The following ARB2A variants were observed in gnomAD, a reference collection of about 807,000 sequenced individuals.
ARB2A encodes the protein cotranscriptional regulator ARB2A.
chr5:93,660,954 G>T, the ARB2A span, among the ~76,000 whole-genome samples: 1 of 152,142 alleles, frequency 6.6e-6, no homozygotes, highest in South Asian at 2.1e-4. Flanking sequence ...GTTCTAGAGG[G>T]AGAGCTGGGT....
At chr5:94,002,018 A>G in the ARB2A span, among the ~76,000 whole-genome samples, 4 of 152,080 alleles carry the variant, frequency 2.6e-5, no homozygotes. Flanking sequence ...TGAGCTTCAC[A>G]GGTGTTTCCC....
the ARB2A span, among the ~76,000 whole-genome samples, chr5:93,828,521 T>C: frequency 6.6e-6 from 1 of 152,304 alleles, no homozygotes; most frequent in Admixed American, 6.5e-5. Context: ...CATCTACTTT[T>C]CTTTCATTTA....
chr5:94,065,113 A>G, the ARB2A span, among the ~76,000 whole-genome samples: 1 of 152,250 alleles, frequency 6.6e-6, no homozygotes, highest in Non-Finnish European at 1.5e-5. Context: ...TTTCAATAAA[A>G]GACAGAGACT....
chr5:94,003,117 T>C, the ARB2A span, among the ~76,000 whole-genome samples: 5 of 152,156 alleles, frequency 3.3e-5, no homozygotes, highest in Admixed American at 3.3e-4. Context: ...ACTGGCACCA[T>C]GACAAGCCAA....
chr5:93,784,906 A>AGAT, the ARB2A span, among the ~76,000 whole-genome samples: 2 of 152,216 alleles, frequency 1.3e-5, no homozygotes, highest in East Asian at 3.9e-4. Flanking sequence ...AATTTTCAGT[A>AGAT]GATGGCACAT....
chr5:93,897,291 T>C, the ARB2A span, among the ~76,000 whole-genome samples: 1 of 151,984 alleles, frequency 6.6e-6, no homozygotes, highest in Non-Finnish European at 1.5e-5. Flanking sequence ...CAAAGTTACT[T>C]TGCATTAAAA....
the ARB2A span, among the ~76,000 whole-genome samples, chr5:94,057,422 G>C: frequency 1.3e-5 from 2 of 152,194 alleles, no homozygotes; most frequent in Admixed American, 1.3e-4. Context: ...ATGGGTATAG[G>C]GTTTCAGTTT....
the ARB2A span, among the ~76,000 whole-genome samples, chr5:93,870,009 G>C: frequency 6.6e-6 from 1 of 152,320 alleles, no homozygotes; most frequent in East Asian, 1.9e-4. Flanking sequence ...CTAGAAAGCA[G>C]GCACAGACAT....
At chr5:93,828,462 C>T in the ARB2A span, among the ~76,000 whole-genome samples, 1 of 152,170 alleles carries the variant, frequency 6.6e-6, no homozygotes, top group Non-Finnish European at 1.5e-5. Flanking sequence ...AAATTCCTCA[C>T]ATAATCAGTC....
At chr5:93,835,672 T>C in the ARB2A span, among the ~76,000 whole-genome samples, 1 of 152,220 alleles carries the variant, frequency 6.6e-6, no homozygotes, top group Non-Finnish European at 1.5e-5. Flanking sequence ...CACATACCTA[T>C]GTCACTAATT....
chr5:93,809,847 T>C, the ARB2A span, among the ~76,000 whole-genome samples: 10 of 152,072 alleles, frequency 6.6e-5, no homozygotes, highest in Non-Finnish European at 1.3e-4. Flanking sequence ...GCAACTATGG[T>C]TTCACGTCTT....
At chr5:93,740,932 T>G in the ARB2A span, 1 of 1,613,976 alleles carries the variant, frequency 6.2e-7, no homozygotes, top group Non-Finnish European at 8.5e-7. Flanking sequence ...CCGTCTCCAC[T>G]TCCCAGACTG....
the ARB2A span, chr5:93,737,955 A>G: frequency 2.2e-6 from 1 of 445,402 alleles, no homozygotes; most frequent in Non-Finnish European, 4.5e-6. Flanking sequence ...GCAACAAAAG[A>G]AAAAATGGAT....
At chr5:93,959,044 G>A in the ARB2A span, 2 of 945,782 alleles carry the variant, frequency 2.1e-6, no homozygotes, top group Non-Finnish European at 2.9e-6. Flanking sequence ...AACAACTAAT[G>A]GCTGTTACAA....
the ARB2A span, chr5:93,734,137 T>C: frequency 6.6e-6 from 1 of 152,184 alleles, no homozygotes; most frequent in African/African-American, 2.4e-5. Flanking sequence ...AGAAAACTTC[T>C]AGGAAAAAGA....
chr5:93,859,708 C>T, the ARB2A span, among the ~76,000 whole-genome samples: 1 of 152,058 alleles, frequency 6.6e-6, no homozygotes, highest in African/African-American at 2.4e-5. Flanking sequence ...AAAACGAAAA[C>T]ATATACAACC....
chr5:93,813,795 T>C, the ARB2A span, among the ~76,000 whole-genome samples: 4 of 152,180 alleles, frequency 2.6e-5, no homozygotes, highest in African/African-American at 9.7e-5. Flanking sequence ...ATTTTTGTTA[T>C]AGGAGCCCAA....
chr5:93,791,290 GT>G, the ARB2A span, among the ~76,000 whole-genome samples: 1 of 152,178 alleles, frequency 6.6e-6, no homozygotes, highest in African/African-American at 2.4e-5. Context: ...TCCTTTCCCT[GT>G]TACAGTGCTC....
the ARB2A span, chr5:93,781,970 A>G: frequency 1.0e-6 from 1 of 978,076 alleles, no homozygotes; most frequent in Non-Finnish European, 1.2e-6. Flanking sequence ...GAAATAAGAA[A>G]GGAGAAAGAA....
Sources: gnomAD v4.1 joint callset for allele counts (sites outside exome capture counted in the v4.1 genomes callset) on GRCh38, gnomAD v4.1.1 for gene constraint, MANE v1.5 for transcripts, NCBI Gene and HGNC (gene_info 2026-07-23, HGNC 2026-07-21) for gene names.